Variants in HIPK3 observed in about 807,000 individuals in gnomAD.
HIPK3 encodes the protein homeodomain-interacting protein kinase 3.
HIPK3 carries 47 observed loss-of-function variants against 124.2 expected under a neutral mutation model. That is an observed-to-expected ratio of 0.38 (90% CI 0.30 to 0.48). The LOEUF is 0.48. Among genes scored for constraint, HIPK3 ranks in the 20% least tolerant of loss-of-function variants. The pLI is 0.98. For synonymous variants in HIPK3, 482 were observed against 515.2 expected, an observed-to-expected ratio of 0.94 and a Z score of 0.87; for missense variants, 1,286 against 1,454.3, an observed-to-expected ratio of 0.88 and a Z score of 1.88.
intron 14 of HIPK3, among the ~76,000 whole-genome samples, chr11:33,350,549 C>T (rs112059776): frequency 6.6e-6 from 1 of 151,708 alleles, no homozygotes; most frequent in African/African-American, 2.4e-5. Flanking sequence ...TGTTGCATGC[C>T]TGTAGTGCTA....
intron 2 of HIPK3, among the ~76,000 whole-genome samples, chr11:33,303,177 T>C (rs1245331300): frequency 6.6e-6 from 1 of 152,182 alleles, no homozygotes; most frequent in Non-Finnish European, 1.5e-5. Context: ...TCAAGTCCCT[T>C]ATATAAAATG....
intron 1 of HIPK3, among the ~76,000 whole-genome samples, chr11:33,265,117 A>G (rs1471234577): frequency 6.6e-6 from 1 of 152,234 alleles, no homozygotes; most frequent in Non-Finnish European, 1.5e-5. Flanking sequence ...GTAATTTATT[A>G]CACTTTCTAT....
intron 1 of HIPK3, among the ~76,000 whole-genome samples, chr11:33,277,464 A>G (rs1043925329): frequency 2.0e-5 from 3 of 152,198 alleles, no homozygotes; most frequent in Non-Finnish European, 4.4e-5. Context: ...TGATGTCTTG[A>G]CCTAACAATT....
chr11:33,313,028 T>C (rs1439652752), intron 2 of HIPK3, among the ~76,000 whole-genome samples: 1 of 152,218 alleles, frequency 6.6e-6, no homozygotes, highest in African/African-American at 2.4e-5. Context: ...CTAAGAATCA[T>C]TAATAGGTTG....
chr11:33,278,712 T>C (rs1851333325), intron 1 of HIPK3, among the ~76,000 whole-genome samples: 1 of 152,064 alleles, frequency 6.6e-6, no homozygotes. Flanking sequence ...GGCGTGGTGG[T>C]GGACGCCTGT....
chr11:33,342,411 T>C (rs189838379), intron 8 of HIPK3, among the ~76,000 whole-genome samples: 7 of 152,342 alleles, frequency 4.6e-5, no homozygotes, highest in Admixed American at 2.0e-4. Flanking sequence ...TATTATAGTC[T>C]TTATTGATAG....
At chr11:33,295,312 T>G (rs1851814459) in intron 2 of HIPK3, among the ~76,000 whole-genome samples, 1 of 47,400 alleles carries the variant, frequency 2.1e-5, no homozygotes, top group East Asian at 6.0e-4. Flanking sequence ...TCCCCGCCCA[T>G]GGCATCCGAA....
chr11:33,331,657 G>A (rs1219133944), intron 3 of HIPK3, among the ~76,000 whole-genome samples: 2 of 152,196 alleles, frequency 1.3e-5, no homozygotes, highest in Non-Finnish European at 2.9e-5. Flanking sequence ...GGGATTACAG[G>A]TGTGAGCCAC....
chr11:33,261,288 T>C (rs1392189938), intron 1 of HIPK3, among the ~76,000 whole-genome samples: 2 of 151,650 alleles, frequency 1.3e-5, no homozygotes, highest in Non-Finnish European at 2.9e-5. Flanking sequence ...CATGTGTGTT[T>C]GATGTACGGA....
intron 2 of HIPK3, among the ~76,000 whole-genome samples, chr11:33,325,937 TTA>T (rs1325976805): frequency 1.3e-5 from 2 of 152,232 alleles, no homozygotes; most frequent in African/African-American, 4.8e-5. Flanking sequence ...TGAAAACTTC[TTA>T]TAACCATGTT....
At chr11:33,304,129 C>T (rs577982022) in intron 2 of HIPK3, among the ~76,000 whole-genome samples, 27 of 152,172 alleles carry the variant, frequency 1.8e-4, no homozygotes, top group African/African-American at 2.6e-4. Flanking sequence ...TTAGTAGAGA[C>T]GGGGTGTCAC....
In HIPK3 at chr11:33,286,688, A is replaced by G. The variant is rs1217878808; in HGVS notation, c.274A>G (p.Thr92Ala). The G allele has an allele frequency of 6.2e-7, 1 of 1,614,162 alleles. No individual in the cohort carries two copies. The part of the protein sequence containing the change: ...AVVLKNTAGA[T>A]KVIAAQAQQA... ...TGTTTTGAAAAACACTGCAGGTGCTACAAAGGTCATAGCAGCTCAGGCACA... is the reference window on the plus strand; with the variant it reads ...TGTTTTGAAAAACACTGCAGGTGCTGCAAAGGTCATAGCAGCTCAGGCACA... The change falls in exon 2 of 17, where the codon ACA becomes GCA. Residue 92 changes from threonine to alanine, a missense_variant. Thr to Ala is a moderately conservative substitution (Grantham distance 58). Around this residue, in one of 3 missense-constraint regions of HIPK3, gnomAD observed 225 missense variants for 240.3 expected, o/e 0.94. Coordinates refer to ENST00000303296, the MANE Select transcript of HIPK3 (RefSeq NM_005734.5).
At chr11:33,279,348 AGAG>A (rs1339093095) in intron 1 of HIPK3, among the ~76,000 whole-genome samples, 8 of 142,470 alleles carry the variant, frequency 5.6e-5, no homozygotes, top group East Asian at 2.0e-4. Context: ...AAAAAAAAAA[AGAG>A]AAGAAGAAGA....
At chr11:33,276,482 A>G (rs971946431) in intron 1 of HIPK3, among the ~76,000 whole-genome samples, 1 of 152,202 alleles carries the variant, frequency 6.6e-6, no homozygotes, top group African/African-American at 2.4e-5. Context: ...CATTATATAT[A>G]GTTGATATAC....
intron 1 of HIPK3, among the ~76,000 whole-genome samples, chr11:33,280,965 G>A (rs181889462): frequency 1.5e-4 from 23 of 151,752 alleles, no homozygotes; most frequent in Non-Finnish European, 2.9e-4. Context: ...GGCCCTGGGA[G>A]CTTGTACACT....
At chr11:33,279,304 C>T (rs1215001259) in intron 1 of HIPK3, among the ~76,000 whole-genome samples, 1 of 107,868 alleles carries the variant, frequency 9.3e-6, no homozygotes, top group East Asian at 2.8e-4. Flanking sequence ...GCGCAGGCAA[C>T]AGAGGGAGAC....
At chr11:33,279,684 G>A (rs1851363104) in intron 1 of HIPK3, among the ~76,000 whole-genome samples, 1 of 152,174 alleles carries the variant, frequency 6.6e-6, no homozygotes, top group Admixed American at 6.5e-5. Flanking sequence ...GTATATGGTA[G>A]TCCATTTGGG....
At chr11:33,261,571 A>G (rs1850828857) in intron 1 of HIPK3, among the ~76,000 whole-genome samples, 1 of 152,142 alleles carries the variant, frequency 6.6e-6, no homozygotes, top group African/African-American at 2.4e-5. Context: ...GCTGCATAGT[A>G]TTCCATGGTA....
At chr11:33,284,440 T>C (rs1851493979) in intron 1 of HIPK3, among the ~76,000 whole-genome samples, 1 of 152,206 alleles carries the variant, frequency 6.6e-6, no homozygotes, top group Non-Finnish European at 1.5e-5. Flanking sequence ...AGGAAAGGCT[T>C]CAGCAAGAAG....
Sources: gnomAD v4.1 joint callset for allele counts (sites outside exome capture counted in the v4.1 genomes callset) on GRCh38, gnomAD v4.1.1 for gene constraint, gnomAD v4.1.1 regional missense constraint, MANE v1.5 for transcripts, NCBI Gene and HGNC (gene_info 2026-07-23, HGNC 2026-07-21) for gene names.